The following CFH variants were observed in gnomAD, a reference collection of about 807,000 sequenced individuals.
CFH encodes the protein H factor 1 (complement).
CFH carries 53 observed loss-of-function variants against 147.3 expected under a neutral mutation model. The observed-to-expected ratio is 0.36, with a 90% CI of 0.29 to 0.45. The LOEUF (loss-of-function observed/expected upper bound fraction) is 0.45. CFH is among the 20% of genes least tolerant of loss of function. The probability of loss-of-function intolerance (pLI) is 1.00; values close to 1 mark genes in which losing one functional copy is unlikely to be tolerated. For synonymous variants in CFH, 536 were observed against 489.4 expected (o/e 1.10, Z -1.26); for missense variants, 1,380 against 1,498.0 (o/e 0.92, Z 1.30).
chr1:196,678,633 C>T (rs975863078), intron 5 of CFH: 2 of 151,884 alleles, frequency 1.3e-5, no homozygotes, highest in African/African-American at 4.8e-5. Context: ...AATTTACATC[C>T]TTACAACTAG....
intron 10 of CFH, 80 bp from the exon 11 acceptor site, chr1:196,715,513 T>C: frequency 8.5e-7 from 1 of 1,180,822 alleles, no homozygotes; most frequent in East Asian, 2.4e-5. Context: ...CAATAAAGCT[T>C]TTTCTTCTTA....
rs191671669 is a variant in CFH, at chr1:196,660,148, G to A, written c.58+7973G>A. Among the ~76,000 whole-genome samples the A allele has an allele frequency of 1.6e-3, 246 of 152,194 alleles. 1 individual carries two copies. Among genetic ancestry groups the A allele is most frequent in the Non-Finnish European group, 2.7e-3 (184 of 68,012 alleles). On this transcript the variant is annotated intron_variant, in intron 1 of 21. Transcript: ENST00000367429. ...TTTGAGGACAGAACATTTGAGTAGA[G>A]GCCTGAAAGATGAGACAAAGCCAGT...
At chr1:196,663,180 T>G (rs1380836385) in intron 1 of CFH, among the ~76,000 whole-genome samples, 1 of 152,176 alleles carries the variant, frequency 6.6e-6, no homozygotes, top group Non-Finnish European at 1.5e-5. Context: ...AATTGGTATG[T>G]TCCATTCATT....
At chr1:196,719,662 AAAT>A (rs1668953151) in intron 11 of CFH, among the ~76,000 whole-genome samples, 1 of 151,838 alleles carries the variant, frequency 6.6e-6, no homozygotes, top group African/African-American at 2.4e-5. Flanking sequence ...TGAATAAGAA[AAAT>A]AATATTTTGG....
chr1:196,746,138 T>C lies in CFH; in HGVS notation c.3493+139T>C, dbSNP rs145345083. The C allele has an allele frequency of 1.5e-3, 2,237 of 1,514,116 alleles. 31 individuals are homozygous for C. The Admixed American group carries it at 0.029, about 20-fold the overall frequency. 93.8% of individuals were successfully genotyped at this position (1,514,116 alleles called of 1,614,324 possible). On this transcript the variant is annotated intron_variant, in intron 21 of 21. Transcript: ENST00000367429. ...CCTACCAAATATTTCTGTCAGAAAG[T>C]AAAGTTTAGAAATTTTTCTCTTTAG...
At chr1:196,661,636 G>C (rs1042371213) in intron 1 of CFH, among the ~76,000 whole-genome samples, 2 of 152,150 alleles carry the variant, frequency 1.3e-5, no homozygotes, top group Non-Finnish European at 2.9e-5. Context: ...TCACTTCCCA[G>C]TGTCCCCACC....
chr1:196,700,287 G>T (rs1478923118), intron 9 of CFH, among the ~76,000 whole-genome samples: 2 of 152,146 alleles, frequency 1.3e-5, no homozygotes, highest in Admixed American at 6.6e-5. Flanking sequence ...TAAACTCTCT[G>T]TTGCAAACTC....
rs548571390 is a variant in CFH at position 196,699,377 on chromosome 1, C to T, written c.1336+9138C>T. The stretch of plus-strand genomic sequence containing the variant: ...ACACTGTCTAAATTTTGCCCACTTT[C>T]CATTGAGTTGTTTCTTCCATTACGG... On this transcript the variant is annotated intron_variant, in intron 9 of 21. Coordinates refer to ENST00000367429, the MANE Select transcript of CFH (RefSeq NM_000186.4). 3.9e-5 allele frequency among the ~76,000 whole-genome samples: 6 copies of T among 152,252 alleles called. No individual in the cohort carries two copies. In the South Asian group the frequency reaches 8.3e-4, roughly 21 times the overall value.
intron 9 of CFH, among the ~76,000 whole-genome samples, chr1:196,700,181 T>A (rs1558167322): frequency 6.6e-6 from 1 of 152,048 alleles, no homozygotes; most frequent in Non-Finnish European, 1.5e-5. Context: ...TTCCAGCCAC[T>A]CCCCCTTCAA....
chr1:196,657,270 T>C (rs1243755760), intron 1 of CFH, among the ~76,000 whole-genome samples: 3 of 152,352 alleles, frequency 2.0e-5, no homozygotes, highest in Admixed American at 2.0e-4. Flanking sequence ...ACTTCTGAAA[T>C]GATCTTTATT....
chr1:196,664,893 A>G (rs961541281), intron 1 of CFH, among the ~76,000 whole-genome samples: 5 of 151,988 alleles, frequency 3.3e-5, no homozygotes, highest in African/African-American at 1.2e-4. Flanking sequence ...CAACTTACGT[A>G]TGAGTACTTT....
At chr1:196,746,518 C>A (rs1343522100) in intron 21 of CFH, among the ~76,000 whole-genome samples, 1 of 152,106 alleles carries the variant, frequency 6.6e-6, no homozygotes, top group Non-Finnish European at 1.5e-5. Flanking sequence ...ATTTAGTTGA[C>A]AAATAAAAAT....
intron 15 of CFH, among the ~76,000 whole-genome samples, chr1:196,734,728 A>G (rs1208034192): frequency 1.3e-5 from 2 of 152,022 alleles, no homozygotes; most frequent in Non-Finnish European, 2.9e-5. Flanking sequence ...TTCATCCTCA[A>G]TATTGATCAT....
chr1:196,654,863 A>G (rs568588931), intron 1 of CFH, among the ~76,000 whole-genome samples: 6 of 152,214 alleles, frequency 3.9e-5, no homozygotes, highest in Admixed American at 1.3e-4. Context: ...CTAAAATCCT[A>G]AATTGTATGT....
At chr1:196,684,932 A>G in intron 6 of CFH, 132 bp from the exon 7 acceptor site, 2 of 699,616 alleles carry the variant, frequency 2.9e-6, no homozygotes, top group Admixed American at 2.3e-5. Flanking sequence ...ATACTATGAT[A>G]TGTTCATTTT....
chr1:196,654,569 A>G (rs1156238978), intron 1 of CFH, among the ~76,000 whole-genome samples: 1 of 152,168 alleles, frequency 6.6e-6, no homozygotes, highest in African/African-American at 2.4e-5. Flanking sequence ...TAGTATGACC[A>G]AGGTTTTGAA....
intron 1 of CFH, 105 bp from the exon 2 acceptor site, chr1:196,672,873 A>T: frequency 2.4e-6 from 2 of 844,900 alleles, no homozygotes; most frequent in Non-Finnish European, 3.8e-6. Context: ...AGAAATTTAG[A>T]TAGACCTGTG....
intron 8 of CFH, 107 bp from the exon 9 acceptor site, chr1:196,689,956 T>C: frequency 7.9e-7 from 1 of 1,259,300 alleles, no homozygotes; most frequent in South Asian, 1.5e-5. Context: ...TTTTTGGATG[T>C]TTATGCAATC....
At chr1:196,705,616 G>C (rs1307320342) in intron 9 of CFH, among the ~76,000 whole-genome samples, 1 of 152,168 alleles carries the variant, frequency 6.6e-6, no homozygotes, top group Admixed American at 6.5e-5. Flanking sequence ...TTTAGGAGTA[G>C]TAACCCAAGA....
Sources: allele counts gnomAD v4.1 joint callset (sites outside exome capture counted in the v4.1 genomes callset), GRCh38; gene constraint gnomAD v4.1.1; transcripts MANE v1.5; gene names NCBI Gene and HGNC (gene_info 2026-07-23, HGNC 2026-07-21).